FSTL5: variants seen among roughly 807,000 people sequenced by gnomAD.
FSTL5 encodes the protein follistatin-related protein 5.
In FSTL5, 62 loss-of-function variants were observed where a neutral mutation model predicts 89.1. The observed-to-expected ratio is 0.70, with a 90% CI of 0.57 to 0.86. The LOEUF is 0.86. FSTL5 is among the 40% of genes least tolerant of loss of function. The pLI, the probability that FSTL5 is intolerant of heterozygous loss-of-function variation, is 0.00. For missense variants in FSTL5, 1,057 were observed against 1,001.6 expected, an observed-to-expected ratio of 1.06 and a Z score of -0.75; for synonymous variants, 383 against 346.2, an observed-to-expected ratio of 1.11 and a Z score of -1.18.
At chr4:161,900,655 A>AAAAGAAAG (rs1200601794) in intron 4 of FSTL5, among the ~76,000 whole-genome samples, 2 of 110,972 alleles carry the variant, frequency 1.8e-5, no homozygotes, top group African/African-American at 6.3e-5. Flanking sequence ...AAAAAAAAAA[A>AAAAGAAAG]AAAGAAAGAA....
chr4:161,917,410 A>C (rs997165568), intron 4 of FSTL5, among the ~76,000 whole-genome samples: 2 of 152,040 alleles, frequency 1.3e-5, no homozygotes, highest in Non-Finnish European at 1.5e-5. Flanking sequence ...TTTAATTAAA[A>C]TTTTCTTTGT....
chr4:161,858,558 C>A (rs1470936047), intron 4 of FSTL5, among the ~76,000 whole-genome samples: 1 of 152,184 alleles, frequency 6.6e-6, no homozygotes, highest in East Asian at 1.9e-4. Flanking sequence ...CACTTATCTG[C>A]AGTCTACTTT....
rs150035531 is a variant in FSTL5, at chr4:161,821,374, A to G, written c.410-45300T>C. On this transcript the variant is annotated intron_variant, in intron 4 of 15. Transcript: ENST00000306100. ...TTCTTGAAGGACAACGACAAGTTAC[A>G]TGGAGAAGATTCCATACTAAGTTCT... Among the ~76,000 whole-genome samples the G allele has an allele frequency of 6.5e-3, 993 of 152,306 alleles. 13 individuals are homozygous for G. Among genetic ancestry groups the G allele is most frequent in the South Asian group, 0.023 (111 of 4,828 alleles).
chr4:161,807,747 A>G (rs1343162758), intron 4 of FSTL5, among the ~76,000 whole-genome samples: 1 of 152,194 alleles, frequency 6.6e-6, no homozygotes, highest in African/African-American at 2.4e-5. Flanking sequence ...GGCTTGCAGG[A>G]ATGTATATTA....
chr4:161,478,216 A>C (rs2126448533), intron 13 of FSTL5, among the ~76,000 whole-genome samples: 1 of 152,280 alleles, frequency 6.6e-6, no homozygotes, highest in East Asian at 1.9e-4. Context: ...TAGAATGTAT[A>C]AATACAATTC....
intron 4 of FSTL5, among the ~76,000 whole-genome samples, chr4:161,884,091 C>G (rs1732723490): frequency 6.6e-6 from 1 of 151,340 alleles, no homozygotes; most frequent in African/African-American, 2.4e-5. Context: ...TGCTGTGTTG[C>G]CCAGGCTGCA....
chr4:161,454,102 A>C (rs910846435), intron 15 of FSTL5, among the ~76,000 whole-genome samples: 1 of 152,148 alleles, frequency 6.6e-6, no homozygotes, highest in Non-Finnish European at 1.5e-5. Context: ...AGTCTTTCAT[A>C]ATTCTCACAA....
At position 161,706,119 on chromosome 4, in the gene FSTL5, A is replaced by G. The variant is rs754737155; in HGVS notation, c.728-49625T>C. ...GAGTTTAATTTGGATACAAACAAGG[A>G]AACAATGACGAACAAGTAAAAAATA... On this transcript the variant is annotated intron_variant, in intron 6 of 15. Transcript: ENST00000306100. 7.4e-4 allele frequency among the ~76,000 whole-genome samples: 111 copies of G among 150,338 alleles called. 1 individual carries two copies. Among genetic ancestry groups the G allele is most frequent in the Non-Finnish European group, 9.0e-4 (61 of 67,526 alleles).
intron 2 of FSTL5, among the ~76,000 whole-genome samples, chr4:162,072,909 C>A (rs1290688546): frequency 1.3e-5 from 2 of 151,746 alleles, no homozygotes; most frequent in Admixed American, 1.3e-4. Flanking sequence ...TGATCTTCCC[C>A]TGAGTGAGAG....
intron 2 of FSTL5, among the ~76,000 whole-genome samples, chr4:162,101,696 C>T (rs1200405662): frequency 2.6e-5 from 4 of 152,122 alleles, no homozygotes; most frequent in Admixed American, 1.3e-4. Context: ...ACAAATAAAA[C>T]CCTTCCAGTT....
intron 3 of FSTL5, among the ~76,000 whole-genome samples, chr4:161,994,810 T>C (rs1455768817): frequency 1.3e-5 from 2 of 152,158 alleles, no homozygotes; most frequent in East Asian, 1.9e-4. Flanking sequence ...TTTGCAAAAG[T>C]TTTTCTCCCA....
chr4:161,835,145 G>A (rs775075251), intron 4 of FSTL5, among the ~76,000 whole-genome samples: 8,347 of 142,306 alleles, frequency 0.059, 296 homozygotes, highest in African/African-American at 0.11. Context: ...CAGAAATAAC[G>A]CTGCATATCT....
At chr4:161,586,200 T>C (rs1451433332) in intron 8 of FSTL5, among the ~76,000 whole-genome samples, 1 of 152,220 alleles carries the variant, frequency 6.6e-6, no homozygotes, top group Non-Finnish European at 1.5e-5. Context: ...TATATTTATT[T>C]CTAAAGTGAC....
At chr4:161,543,012 T>C (rs1263849590) in intron 8 of FSTL5, among the ~76,000 whole-genome samples, 1 of 151,854 alleles carries the variant, frequency 6.6e-6, no homozygotes, top group Non-Finnish European at 1.5e-5. Context: ...TCCAATTTGC[T>C]AAATATGGGA....
Position 161,669,111 on chromosome 4 carries a change from C to CAAA in FSTL5, c.728-12620_728-12618dup, listed in dbSNP as rs33950474. On this transcript the variant is annotated intron_variant, in intron 6 of 15. Transcript: ENST00000306100. ...TGGGTGACAGAGTGAGACTCTGTCTCAAAAAAAAAAAAAAAATAAAATAAA... is the reference window on the plus strand; with the variant it reads ...TGGGTGACAGAGTGAGACTCTGTCTCAAAAAAAAAAAAAAAAAAATAAAATAAA... Among the ~76,000 whole-genome samples, 488 of 104,552 alleles carry CAAA rather than the reference C, an allele frequency of 4.7e-3. 5 individuals carry two copies. The highest frequency in any genetic ancestry group is 0.026 in the South Asian group (65 of 2,526). The allele number at this position is 104,552 out of a possible 152,430, so 68.6% of individuals were successfully genotyped here.
At chr4:162,021,395 A>G (rs1198095789) in intron 3 of FSTL5, among the ~76,000 whole-genome samples, 1 of 152,190 alleles carries the variant, frequency 6.6e-6, no homozygotes. Flanking sequence ...TTAATCTCCA[A>G]GACTCATTTG....
chr4:161,823,742 G>C (rs1242927306), intron 4 of FSTL5, among the ~76,000 whole-genome samples: 11 of 152,228 alleles, frequency 7.2e-5, no homozygotes. Flanking sequence ...CACTGCTGCA[G>C]CTGCTGTCTT....
At chr4:161,852,721 T>C (rs149665849) in intron 4 of FSTL5, among the ~76,000 whole-genome samples, 177 of 152,264 alleles carry the variant, frequency 1.2e-3, no homozygotes, top group African/African-American at 4.1e-3. Context: ...TGAATGGCCA[T>C]CAATGATAGA....
intron 1 of FSTL5, among the ~76,000 whole-genome samples, chr4:162,153,741 TAATAATATAC>T (rs370940428): frequency 2.4e-4 from 20 of 84,626 alleles, no homozygotes; most frequent in African/African-American, 6.5e-4. Context: ...TATATGTATA[TAATAATATAC>T]ATGTATATAT....
Sources: gnomAD v4.1 joint callset for allele counts (sites outside exome capture counted in the v4.1 genomes callset) on GRCh38, gnomAD v4.1.1 for gene constraint, MANE v1.5 for transcripts, NCBI Gene and HGNC (gene_info 2026-07-23, HGNC 2026-07-21) for gene names.